Variants in RYR3 observed in about 807,000 individuals in gnomAD.
The protein encoded by RYR3 is brain ryanodine receptor-calcium release channel.
A neutral mutation model predicts 584.3 loss-of-function variants in RYR3; 207 were observed. That is an observed-to-expected ratio of 0.35 (90% confidence interval 0.32 to 0.40). The LOEUF (loss-of-function observed/expected upper bound fraction) is 0.40. Among genes scored for constraint, RYR3 ranks in the 10% least tolerant of loss-of-function variants. The pLI is 1.00. For missense variants in RYR3, 5,616 were observed against 6,089.2 expected, an observed-to-expected ratio of 0.92 and a Z score of 2.59; for synonymous variants, 2,416 against 2,248.5, an observed-to-expected ratio of 1.07 and a Z score of -2.11.
At chr15:33,804,249 G>C (rs1017284747) in intron 69 of RYR3, among the ~76,000 whole-genome samples, 1 of 152,186 alleles carries the variant, frequency 6.6e-6, no homozygotes, top group African/African-American at 2.4e-5. Context: ...ACATGGGATA[G>C]GGTCAAAATT....
chr15:33,737,722 T>A (rs985350517), intron 49 of RYR3, among the ~76,000 whole-genome samples: 3 of 152,244 alleles, frequency 2.0e-5, no homozygotes, highest in African/African-American at 7.2e-5. Flanking sequence ...TAATTTGGTA[T>A]TGCTTCCTCT....
At chr15:33,464,503 T>TATATATATATATACACAC (rs1180164194) in intron 1 of RYR3, among the ~76,000 whole-genome samples, 3 of 105,930 alleles carry the variant, frequency 2.8e-5, no homozygotes, top group African/African-American at 1.0e-4. Context: ...CATATATATA[T>TATATATATATATACACAC]ACATACACAT....
chr15:33,666,562 G>A (rs779420036), intron 36 of RYR3, among the ~76,000 whole-genome samples: 1 of 152,126 alleles, frequency 6.6e-6, no homozygotes, highest in African/African-American at 2.4e-5. Context: ...CAATTTCAGA[G>A]AATAGCAATG....
intron 8 of RYR3, among the ~76,000 whole-genome samples, chr15:33,545,592 A>T (rs879478599): frequency 2.0e-5 from 3 of 152,128 alleles, no homozygotes; most frequent in Non-Finnish European, 2.9e-5. Flanking sequence ...AGCACACTGG[A>T]ACTTGAATCT....
At chr15:33,560,797 A>G (rs1036038026) in intron 10 of RYR3, among the ~76,000 whole-genome samples, 1 of 152,206 alleles carries the variant, frequency 6.6e-6, no homozygotes, top group South Asian at 2.1e-4. Context: ...TCATCTATCA[A>G]ATACTATTTT....
chr15:33,858,879 G>T (rs571222646), intron 99 of RYR3: 1 of 152,528 alleles, frequency 6.6e-6, no homozygotes, highest in East Asian at 1.9e-4. Context: ...ACTTCTTGAC[G>T]AAAAACTCTC....
chr15:33,647,959 T>C (rs138641280), intron 30 of RYR3, among the ~76,000 whole-genome samples: 55 of 149,080 alleles, frequency 3.7e-4, no homozygotes, highest in African/African-American at 1.3e-3. Context: ...GATTTTTCTT[T>C]CTATCTCTCA....
intron 1 of RYR3, among the ~76,000 whole-genome samples, chr15:33,468,543 C>T (rs1447766847): frequency 6.6e-6 from 1 of 152,140 alleles, no homozygotes; most frequent in Non-Finnish European, 1.5e-5. Context: ...ATGAAAATGA[C>T]CCTGTTATGT....
chr15:33,818,725 G>A (rs768310026), intron 76 of RYR3, 41 bp downstream of exon 76: 1 of 1,454,612 alleles, frequency 6.9e-7, no homozygotes, highest in Non-Finnish European at 9.6e-7. Context: ...AGGCACCAGG[G>A]ATACTTGTGT....
chr15:33,392,748 G>C (rs1364175997), intron 1 of RYR3, among the ~76,000 whole-genome samples: 2 of 152,094 alleles, frequency 1.3e-5, no homozygotes, highest in East Asian at 3.9e-4. Flanking sequence ...TGGCATTGAG[G>C]GGTTATGAGT....
intron 2 of RYR3, among the ~76,000 whole-genome samples, chr15:33,495,231 T>G (rs1208562191): frequency 1.3e-5 from 2 of 152,188 alleles, no homozygotes; most frequent in African/African-American, 4.8e-5. Flanking sequence ...TCCTTAACTT[T>G]CATTTAAGGC....
chr15:33,631,163 C>T (rs771257759), intron 22 of RYR3, 47 bp from the exon 23 acceptor site: 1 of 1,184,224 alleles, frequency 8.4e-7, no homozygotes, highest in African/African-American at 1.5e-5. Flanking sequence ...TCCTGCTGTT[C>T]CTAACACTGC....
At chr15:33,609,592 G>T (rs975941661) in intron 18 of RYR3, among the ~76,000 whole-genome samples, 1 of 152,246 alleles carries the variant, frequency 6.6e-6, no homozygotes, top group Non-Finnish European at 1.5e-5. Flanking sequence ...GGCAGAGGTT[G>T]CAGTGAGCCG....
At chr15:33,796,668 C>A (rs533692781) in intron 67 of RYR3, among the ~76,000 whole-genome samples, 93 of 152,312 alleles carry the variant, frequency 6.1e-4, no homozygotes, top group African/African-American at 2.1e-3. Context: ...TCACCCAATA[C>A]AACCTCCCTG....
intron 94 of RYR3, chr15:33,849,488 G>C (rs2078951698): frequency 6.6e-6 from 1 of 152,156 alleles, no homozygotes; most frequent in African/African-American, 2.4e-5. Flanking sequence ...CCTGGCACGT[G>C]GTAGGCATTA....
At chr15:33,749,120 A>G (rs8032293) in intron 55 of RYR3, among the ~76,000 whole-genome samples, 27,046 of 152,144 alleles carry the variant, frequency 0.18, 2,449 homozygotes, top group South Asian at 0.26. Flanking sequence ...AAGGCTGACT[A>G]TACTGTATCA....
At position 33,562,859 on chromosome 15, in the gene RYR3, C is replaced by G. The variant is rs761298832; in HGVS notation, c.995C>G (p.Ser332Cys). 1.9e-6 allele frequency: 3 copies of G among 1,612,624 alleles called. No homozygotes were observed. The highest frequency in any genetic ancestry group is 2.5e-6 in the Non-Finnish European group (3 of 1,178,972). The change falls in exon 11 of 104, where the codon TCC (serine) becomes TGC (cysteine). Residue 332 changes from serine (S) to cysteine (C), a missense_variant. Ser to Cys is a moderately radical substitution (Grantham distance 112, BLOSUM62 -1). Coordinates refer to ENST00000634891, the MANE Select transcript of RYR3 (RefSeq NM_001036.6). ...TAGGAACTCAAGGAGAAATTAGACT[C>G]CAGTCACAAGCGAGACATAGAAGGC... ...ASKELKEKLD[S>C]SHKRDIEGMG...
At chr15:33,845,095 C>T (rs190544795) in intron 93 of RYR3, 33 bp downstream of exon 93, 2 of 1,603,886 alleles carry the variant, frequency 1.2e-6, no homozygotes, top group African/African-American at 2.7e-5. Context: ...TCTAATCTCA[C>T]TCCTTGAGGA....
rs2064849007 is a variant in RYR3, at chr15:33,684,444, A to G, written c.5861-11774A>G. Reference sequence around the variant, plus strand: ...GAATTAACAAACAGAAAAGAATAGCATCAACATTAAAAAAAAGGACATCCA... The same window carrying G: ...GAATTAACAAACAGAAAAGAATAGCGTCAACATTAAAAAAAAGGACATCCA... On this transcript the variant is annotated intron_variant, in intron 38 of 103. Transcript: ENST00000634891. 2.2e-5 allele frequency among the ~76,000 whole-genome samples: 3 copies of G among 136,518 alleles called. No individual in the cohort carries two copies. In the Middle Eastern group the frequency reaches 0.011, roughly 495 times the overall value. 89.6% of individuals were successfully genotyped at this position (136,518 alleles called of 152,430 possible). A position where few individuals can be genotyped will look rare whatever the true frequency, so the allele number is the denominator to read the frequency against.
Sources: allele counts gnomAD v4.1 joint callset (sites outside exome capture counted in the v4.1 genomes callset), GRCh38; gene constraint gnomAD v4.1.1; transcripts MANE v1.5; gene names NCBI Gene and HGNC (gene_info 2026-07-23, HGNC 2026-07-21).